Variants in PREX1 observed in about 807,000 individuals in gnomAD.
The protein encoded by PREX1 is phosphatidylinositol 3,4,5-trisphosphate-dependent Rac exchanger 1 protein.
In PREX1, 41 loss-of-function variants were observed where a neutral mutation model predicts 198.3. The observed-to-expected ratio is 0.21, with a 90% CI of 0.16 to 0.27. PREX1 has a LOEUF of 0.27. PREX1 is among the 10% of genes least tolerant of loss of function. The pLI is 1.00. For synonymous variants in PREX1, 843 were observed against 887.2 expected, an observed-to-expected ratio of 0.95 and a Z score of 0.89; for missense variants, 1,620 against 2,200.7, an observed-to-expected ratio of 0.74 and a Z score of 5.28.
intron 1 of PREX1, among the ~76,000 whole-genome samples, chr20:48,772,219 CTAAAAAAA>C (rs2090239486): frequency 8.0e-6 from 1 of 124,602 alleles, no homozygotes; most frequent in Non-Finnish European, 1.8e-5. Flanking sequence ...AATAAAATAA[CTAAAAAAA>C]TAAAAAAGTA....
chr20:48,698,665 C>T (rs1373247069), intron 7 of PREX1, among the ~76,000 whole-genome samples: 1 of 152,180 alleles, frequency 6.6e-6, no homozygotes, highest in Non-Finnish European at 1.5e-5. Context: ...GCAGGAGGTC[C>T]AGGCCCTCAC....
chr20:48,738,529 A>G (rs1309619970), intron 3 of PREX1, among the ~76,000 whole-genome samples: 1 of 152,160 alleles, frequency 6.6e-6, no homozygotes, highest in Non-Finnish European at 1.5e-5. Context: ...CCCTGCAAAT[A>G]CGGAAACGCT....
chr20:48,795,757 C>T (rs187100158), intron 1 of PREX1, among the ~76,000 whole-genome samples: 58 of 152,294 alleles, frequency 3.8e-4, no homozygotes, highest in Non-Finnish European at 1.5e-5. Flanking sequence ...TCCAGACATA[C>T]ACATCCCATG....
chr20:48,748,518 G>A (rs894119635), intron 1 of PREX1, among the ~76,000 whole-genome samples: 1 of 151,214 alleles, frequency 6.6e-6, no homozygotes, highest in Non-Finnish European at 1.5e-5. Flanking sequence ...AAATAGCAAC[G>A]TATACTGGAT....
At chr20:48,778,964 T>C (rs1277783797) in intron 1 of PREX1, among the ~76,000 whole-genome samples, 10 of 152,016 alleles carry the variant, frequency 6.6e-5, no homozygotes, top group Non-Finnish European at 5.9e-5. Flanking sequence ...AGTTCTTAGA[T>C]GTGACATTAA....
chr20:48,766,776 T>A (rs1352977446), intron 1 of PREX1, among the ~76,000 whole-genome samples: 4 of 152,180 alleles, frequency 2.6e-5, no homozygotes, highest in Non-Finnish European at 5.9e-5. Flanking sequence ...TCCCACTTAG[T>A]CCCAGTTTCC....
At chr20:48,844,320 G>T in the PREX1 span, among the ~76,000 whole-genome samples, 1 of 152,116 alleles carries the variant, frequency 6.6e-6, no homozygotes, top group African/African-American at 2.4e-5. Context: ...CAGCAGATAT[G>T]TGCTCAGACT....
At chr20:48,761,793 C>A (rs2090181671) in intron 1 of PREX1, among the ~76,000 whole-genome samples, 1 of 152,196 alleles carries the variant, frequency 6.6e-6, no homozygotes, top group South Asian at 2.1e-4. Flanking sequence ...GGGTCTCAAA[C>A]TGGTAACTCA....
At chr20:48,787,218 T>C (rs2090317151) in intron 1 of PREX1, among the ~76,000 whole-genome samples, 1 of 152,116 alleles carries the variant, frequency 6.6e-6, no homozygotes. Context: ...ATTCTTCCTT[T>C]TAGCCCTGGA....
chr20:48,763,572 AT>A (rs1304336094), intron 1 of PREX1, among the ~76,000 whole-genome samples: 3 of 151,958 alleles, frequency 2.0e-5, no homozygotes, highest in African/African-American at 4.8e-5. Context: ...CAGTCCAACT[AT>A]TTTTTTTCCA....
intron 1 of PREX1, among the ~76,000 whole-genome samples, chr20:48,780,536 G>A (rs146018410): frequency 8.5e-4 from 129 of 152,220 alleles, no homozygotes; most frequent in African/African-American, 2.4e-3. Context: ...AAAAGGGCAC[G>A]GGGTCAACCA....
intron 1 of PREX1, among the ~76,000 whole-genome samples, chr20:48,800,850 C>G (rs1201723831): frequency 6.6e-6 from 1 of 151,728 alleles, no homozygotes; most frequent in African/African-American, 2.4e-5. Flanking sequence ...GTGACAGGAT[C>G]TCACTATGTT....
intron 1 of PREX1, among the ~76,000 whole-genome samples, chr20:48,774,432 C>T (rs1226613260): frequency 2.0e-5 from 3 of 152,130 alleles, no homozygotes; most frequent in Non-Finnish European, 2.9e-5. Flanking sequence ...GGACAGAGCC[C>T]GAGAATGAAG....
chr20:48,629,645 C>G (rs1238763462), intron 36 of PREX1, 24 bp from the exon 37 acceptor site: 3 of 1,608,592 alleles, frequency 1.9e-6, no homozygotes, highest in Non-Finnish European at 2.6e-6. Flanking sequence ...CACACATAAC[C>G]GGGGAGTTGG....
At chr20:48,872,510 G>A in the PREX1 span, among the ~76,000 whole-genome samples, 6 of 152,228 alleles carry the variant, frequency 3.9e-5, no homozygotes, top group Admixed American at 1.3e-4. Flanking sequence ...TGGGGAGGCC[G>A]AGGCAGGCAG....
intron 5 of PREX1, among the ~76,000 whole-genome samples, chr20:48,711,866 C>T (rs2089933179): frequency 6.6e-6 from 1 of 152,314 alleles, no homozygotes; most frequent in Middle Eastern, 3.4e-3. Flanking sequence ...GGTGCAGTTT[C>T]CCTTCTCCTT....
At chr20:48,868,882 CT>C in the PREX1 span, among the ~76,000 whole-genome samples, 12 of 150,550 alleles carry the variant, frequency 8.0e-5, no homozygotes, top group African/African-American at 2.7e-4. Flanking sequence ...CTTTTTTTTT[CT>C]TTTTTTTCTT....
At chr20:48,667,416 C>A (rs553375336) in intron 14 of PREX1, among the ~76,000 whole-genome samples, 1 of 152,156 alleles carries the variant, frequency 6.6e-6, no homozygotes, top group African/African-American at 2.4e-5. Context: ...ATCTTCCCCC[C>A]CAGGTAAAAG....
At chr20:48,657,416 C>G (rs1001269868) in intron 17 of PREX1, among the ~76,000 whole-genome samples, 5 of 152,234 alleles carry the variant, frequency 3.3e-5, no homozygotes, top group African/African-American at 1.2e-4. Context: ...GAAAGGTATT[C>G]CTCCTGAGGG....
Sources: allele counts gnomAD v4.1 joint callset (sites outside exome capture counted in the v4.1 genomes callset), GRCh38; gene constraint gnomAD v4.1.1; transcripts MANE v1.5; gene names NCBI Gene and HGNC (gene_info 2026-07-23, HGNC 2026-07-21).